The following HIPK3 variants were observed in gnomAD, a reference collection of about 807,000 sequenced individuals.
HIPK3 encodes the protein homeodomain interacting protein kinase 3.
Under a neutral mutation model 124.2 loss-of-function variants are expected in HIPK3, and 47 were observed. The ratio of observed to expected loss-of-function variants is 0.38; its 90% CI spans 0.30 to 0.48. The LOEUF is 0.48. Among genes scored for constraint, HIPK3 ranks in the 20% least tolerant of loss-of-function variants. HIPK3 has a pLI of 0.98. For missense variants in HIPK3, 1,286 were observed against 1,454.3 expected (o/e 0.88, Z 1.88); for synonymous variants, 482 against 515.2 (o/e 0.94, Z 0.87).
At chr11:33,350,944 A>G (rs1853640241) in intron 14 of HIPK3, among the ~76,000 whole-genome samples, 1 of 152,138 alleles carries the variant, frequency 6.6e-6, no homozygotes, top group Non-Finnish European at 1.5e-5. Flanking sequence ...ATATACGTAT[A>G]AGATATATAA....
chr11:33,288,385 A>G (rs567977115), intron 2 of HIPK3, among the ~76,000 whole-genome samples: 1 of 152,034 alleles, frequency 6.6e-6, no homozygotes, highest in Non-Finnish European at 1.5e-5. Flanking sequence ...AACCCAGGAG[A>G]TGGAGGTTGC....
At chr11:33,306,287 ATATAAT>A (rs1841008503) in intron 2 of HIPK3, among the ~76,000 whole-genome samples, 3 of 152,338 alleles carry the variant, frequency 2.0e-5, no homozygotes, top group Non-Finnish European at 4.4e-5. Flanking sequence ...AAATGGTTAA[ATATAAT>A]TATAGAAATT....
chr11:33,301,968 G>T (rs904240862), intron 2 of HIPK3, among the ~76,000 whole-genome samples: 1 of 152,084 alleles, frequency 6.6e-6, no homozygotes, highest in African/African-American at 2.4e-5. Context: ...CCAAAAATTT[G>T]TGTGACTCAG....
intron 1 of HIPK3, among the ~76,000 whole-genome samples, chr11:33,281,959 T>C (rs1851423463): frequency 6.6e-6 from 1 of 152,244 alleles, no homozygotes; most frequent in East Asian, 1.9e-4. Context: ...ATATGTTCAT[T>C]TGCAATTTTG....
chr11:33,335,231 G>A (rs1853105966), intron 3 of HIPK3, among the ~76,000 whole-genome samples: 1 of 152,146 alleles, frequency 6.6e-6, no homozygotes, highest in South Asian at 2.1e-4. Context: ...CAGAGCTAGA[G>A]CCAAAGATTG....
chr11:33,292,624 T>C (rs1166472941), intron 2 of HIPK3, among the ~76,000 whole-genome samples: 1 of 152,232 alleles, frequency 6.6e-6, no homozygotes. Context: ...ATGAAATTGC[T>C]GGTGATTTCT....
intron 8 of HIPK3, among the ~76,000 whole-genome samples, chr11:33,346,808 TCA>T (rs1409203867): frequency 6.6e-6 from 1 of 152,342 alleles, no homozygotes; most frequent in East Asian, 1.9e-4. Flanking sequence ...ATGATGTATA[TCA>T]CAAAGTAGAC....
intron 2 of HIPK3, among the ~76,000 whole-genome samples, chr11:33,295,060 G>A (rs1189646235): frequency 6.6e-6 from 1 of 152,120 alleles, no homozygotes; most frequent in East Asian, 1.9e-4. Context: ...ATATGTAATG[G>A]ACTGCTGTGA....
rs372704468 is a variant in HIPK3 at position 33,308,950 on chromosome 11, T to G, written c.1098-19560T>G. Among the ~76,000 whole-genome samples the G allele has an allele frequency of 6.3e-4, 95 of 151,916 alleles. 2 individuals are homozygous for G. In the South Asian group the frequency reaches 0.02, roughly 32 times the overall value. On this transcript the variant is annotated intron_variant, in intron 2 of 16. Coordinates refer to ENST00000303296, the MANE Select transcript of HIPK3 (RefSeq NM_005734.5). ...TAAAAATTCCTCTTCTCACCAATAT[T>G]TTACTGTAAAACATTAAAAAAATAG...
intron 1 of HIPK3, among the ~76,000 whole-genome samples, chr11:33,279,862 G>A (rs1387552951): frequency 1.3e-5 from 2 of 151,960 alleles, no homozygotes; most frequent in East Asian, 3.9e-4. Context: ...ATCCTTACGT[G>A]GTAGAAGGGG....
chr11:33,349,923 A>T (rs1164244046), intron 14 of HIPK3, among the ~76,000 whole-genome samples: 1 of 151,816 alleles, frequency 6.6e-6, no homozygotes, highest in Non-Finnish European at 1.5e-5. Flanking sequence ...ACCTGCCACC[A>T]CACCTGGCTA....
At chr11:33,261,413 G>A (rs1329594804) in intron 1 of HIPK3, among the ~76,000 whole-genome samples, 1 of 151,686 alleles carries the variant, frequency 6.6e-6, no homozygotes, top group Non-Finnish European at 1.5e-5. Flanking sequence ...TCCCCTCTTT[G>A]TGTCCATGTG....
chr11:33,296,771 C>T (rs977537145), intron 2 of HIPK3, among the ~76,000 whole-genome samples: 1 of 152,186 alleles, frequency 6.6e-6, no homozygotes, highest in Admixed American at 6.5e-5. Context: ...GATCCTTGGT[C>T]TCTCCTTCTC....
rs560090398 is a variant in HIPK3, at chr11:33,286,555, T to C, written c.141T>C (p.Gly47=). The C allele has an allele frequency of 6.2e-5, 100 of 1,614,150 alleles. 2 individuals are homozygous for C. In the South Asian group the frequency reaches 1.0e-3, roughly 17 times the overall value. ...ERNYPRTYVN[G]RNFGNSHPPT... ...ACTATCCACGGACCTATGTGAATGGTAGAAACTTTGGAAATTCTCATCCTC... is the reference window on the plus strand; with the variant it reads ...ACTATCCACGGACCTATGTGAATGGCAGAAACTTTGGAAATTCTCATCCTC... Residue 47 remains glycine, a synonymous_variant, in exon 2 of 17, where the codon GGT becomes GGC. Coordinates refer to ENST00000303296, the MANE Select transcript of HIPK3 (RefSeq NM_005734.5).
chr11:33,274,826 G>A (rs1394718974), intron 1 of HIPK3, among the ~76,000 whole-genome samples: 2 of 152,028 alleles, frequency 1.3e-5, no homozygotes, highest in East Asian at 1.9e-4. Context: ...TCCAAATGTT[G>A]GAACATTTTG....
rs752219629 is a variant in HIPK3, at chr11:33,287,427, A to G, written c.1013A>G (p.Tyr338Cys). The G allele has an allele frequency of 1.6e-5, 26 of 1,614,076 alleles. No homozygotes were observed. The highest frequency in any genetic ancestry group is 2.2e-5 in the Non-Finnish European group (26 of 1,180,032). Reference protein sequence around the residue: ...IMLVDPVRQPYRVKVIDFGSA... With the variant: ...IMLVDPVRQPCRVKVIDFGSA... ...TTGGTGGATCCTGTTCGGCAGCCTT[A>G]CAGGGTTAAAGTAATAGACTTTGGG... Residue 338 changes from tyrosine to cysteine, a missense_variant, in exon 2 of 17, where the codon TAC becomes TGC. By Grantham distance (194) the Tyr-to-Cys change is radical. Around this residue, in one of 3 missense-constraint regions of HIPK3, gnomAD observed 251 missense variants for 349.1 expected, o/e 0.72. Transcript: ENST00000303296.
chr11:33,268,816 G>A (rs1851046550), intron 1 of HIPK3, among the ~76,000 whole-genome samples: 2 of 151,908 alleles, frequency 1.3e-5, no homozygotes, highest in South Asian at 4.1e-4. Flanking sequence ...TCTCCTTAAA[G>A]TATCTTACAT....
In HIPK3 at chr11:33,353,396, G is replaced by T. The variant is rs1344145952; in HGVS notation, c.3476G>T (p.Gly1159Val). ...ACTTATAATATCTCCCATCCCAGTG[G>T]CATAGTTCACCAAGTCCCAGTGGGC... is the stretch of plus-strand genomic sequence containing the variant. ...HPTYNISHPS[G>V]IVHQVPVGLN... The change falls in exon 17 of 17, where the codon GGC becomes GTC. Residue 1159 changes from glycine (G) to valine (V), a missense_variant. By Grantham distance (109) the Gly-to-Val change is moderately radical. Transcript: ENST00000303296. 13 of 1,613,868 alleles carry T rather than the reference G, an allele frequency of 8.1e-6. No homozygotes were observed. Among genetic ancestry groups the T allele is most frequent in the African/African-American group, 1.3e-5 (1 of 74,828 alleles).
chr11:33,336,050 A>C (rs564866458), intron 3 of HIPK3, among the ~76,000 whole-genome samples: 8 of 152,168 alleles, frequency 5.3e-5, no homozygotes, highest in Non-Finnish European at 8.8e-5. Context: ...ATGGAAAGTA[A>C]ATGCATAGAA....
Sources: gnomAD v4.1 joint callset for allele counts (sites outside exome capture counted in the v4.1 genomes callset) on GRCh38, gnomAD v4.1.1 for gene constraint, gnomAD v4.1.1 regional missense constraint, MANE v1.5 for transcripts, NCBI Gene and HGNC (gene_info 2026-07-23, HGNC 2026-07-21) for gene names.